Variants in C8orf34 observed in about 807,000 individuals in gnomAD.
The protein encoded by C8orf34 is uncharacterized protein C8orf34.
A neutral mutation model predicts 68.3 loss-of-function variants in C8orf34; 65 were observed. The observed-to-expected ratio is 0.95, with a 90% confidence interval of 0.78 to 1.17. The LOEUF is 1.17. C8orf34 is among the 50% of genes most tolerant of loss of function. The probability of loss-of-function intolerance (pLI) is 0.00; values close to 1 mark genes in which losing one functional copy is unlikely to be tolerated. For missense variants in C8orf34, 664 were observed against 655.4 expected (o/e 1.01, Z -0.14); for synonymous variants, 244 against 241.2 (o/e 1.01, Z -0.11).
At position 68,662,635 on chromosome 8, in the gene C8orf34, G is replaced by A. The variant is rs539161390; in HGVS notation, c.1241+22124G>A. ...GCAGCCTCTCCAGCTATGTGGAACC[G>A]TGAGTAAATTTAACCTCTTTTCTTT... On this transcript the variant is annotated intron_variant, in intron 8 of 13. Transcript: ENST00000518698. Among the ~76,000 whole-genome samples the A allele has an allele frequency of 1.4e-4, 22 of 152,282 alleles. No individual in the cohort carries two copies. In the South Asian group the frequency reaches 3.9e-3, roughly 27 times the overall value.
chr8:68,515,696 GCAGATGGTTC>G (rs1814481699), intron 5 of C8orf34, among the ~76,000 whole-genome samples: 1 of 152,166 alleles, frequency 6.6e-6, no homozygotes, highest in South Asian at 2.1e-4. Flanking sequence ...CTAGTAAGAT[GCAGATGGTTC>G]CAGGTTTTTC....
intron 1 of C8orf34, among the ~76,000 whole-genome samples, chr8:68,378,971 TTGAAA>T (rs149213661): frequency 0.036 from 5,540 of 152,244 alleles, 183 homozygotes; most frequent in African/African-American, 0.091. Context: ...AGGAATATCT[TTGAAA>T]TGAAAAGGGA....
intron 7 of C8orf34, among the ~76,000 whole-genome samples, chr8:68,589,193 A>G (rs1817294144): frequency 6.6e-6 from 1 of 152,204 alleles, no homozygotes; most frequent in Non-Finnish European, 1.5e-5. Context: ...TCAAGGATGA[A>G]GTAACAACAG....
chr8:68,442,601 TCAATATAGTGAAAATATGAG>T lies in C8orf34; in HGVS notation c.475+2964_475+2983del, dbSNP rs1195458025. Among the ~76,000 whole-genome samples, 158 of 152,126 alleles carry T rather than the reference TCAATATAGTGAAAATATGAG, an allele frequency of 1.0e-3. 1 individual carries two copies. The highest frequency in any genetic ancestry group is 3.7e-3 in the African/African-American group (155 of 41,504). ...AAAGCCAATCAAAACTTTCAGGAGATCAATATAGTGAAAATATGAGCAATATAGAAGGATACAAGCTGTGC... is the reference window on the plus strand; with the variant it reads ...AAAGCCAATCAAAACTTTCAGGAGATCAATATAGAAGGATACAAGCTGTGC... On this transcript the variant is annotated intron_variant, in intron 2 of 13. Coordinates refer to ENST00000518698, the MANE Select transcript of C8orf34 (RefSeq NM_052958.4).
rs1331388164 is a variant in C8orf34, at chr8:68,439,614, C to A, written c.443C>A (p.Ser148Tyr). Residue 148 changes from serine to tyrosine, a missense_variant, in exon 2 of 14, where the codon TCT becomes TAT. By Grantham distance (144) the Ser-to-Tyr change is moderately radical. Transcript: ENST00000518698. ...RGQLQRTLSG[S>Y]AALWAESEKS... ...CAACTTCAAAGAACTTTGTCTGGAT[C>A]TGCAGCTCTATGGGCAGAAAGTGAA... is the stretch of plus-strand genomic sequence containing the variant. 1.2e-6 allele frequency: 2 copies of A among 1,613,436 alleles called. No individual in the cohort carries two copies. The highest frequency in any genetic ancestry group is 1.1e-5 in the South Asian group (1 of 90,968).
At chr8:68,678,468 T>A (rs1028855844) in intron 8 of C8orf34, among the ~76,000 whole-genome samples, 1 of 152,306 alleles carries the variant, frequency 6.6e-6, no homozygotes, top group South Asian at 2.1e-4. Context: ...CATATCAAGA[T>A]AATGAAAGTC....
chr8:68,606,034 AAAAC>A (rs1817843982), intron 7 of C8orf34, among the ~76,000 whole-genome samples: 1 of 152,094 alleles, frequency 6.6e-6, no homozygotes, highest in Non-Finnish European at 1.5e-5. Context: ...ACTGCTCTAA[AAAAC>A]AAATTCTATG....
chr8:68,662,919 G>A (rs1478637992), intron 8 of C8orf34, among the ~76,000 whole-genome samples: 1 of 152,166 alleles, frequency 6.6e-6, no homozygotes, highest in Admixed American at 6.5e-5. Flanking sequence ...ACCCAAATAT[G>A]CCTCTTTGGC....
intron 3 of C8orf34, among the ~76,000 whole-genome samples, chr8:68,452,138 C>T (rs1451785189): frequency 1.3e-5 from 2 of 151,654 alleles, no homozygotes; most frequent in African/African-American, 4.8e-5. Context: ...ATTTTGTTTG[C>T]TTCTATCTTT....
At chr8:68,634,103 A>G (rs188779648) in intron 7 of C8orf34, among the ~76,000 whole-genome samples, 2 of 152,316 alleles carry the variant, frequency 1.3e-5, no homozygotes, top group Admixed American at 1.3e-4. Context: ...AATCTAATAA[A>G]TAATATGGGA....
At chr8:68,712,525 T>G (rs13279431) in intron 9 of C8orf34, among the ~76,000 whole-genome samples, 3,253 of 152,132 alleles carry the variant, frequency 0.021, 60 homozygotes, top group South Asian at 0.039. Context: ...ACACCAAAAG[T>G]GAGCAGGAGT....
chr8:68,561,028 G>A (rs181539775), intron 7 of C8orf34, among the ~76,000 whole-genome samples: 1 of 145,560 alleles, frequency 6.9e-6, no homozygotes, highest in Admixed American at 6.9e-5. Context: ...CAGGCTGGGT[G>A]CAGTGGTGTG....
chr8:68,566,566 AC>A (rs2130223432), intron 7 of C8orf34, among the ~76,000 whole-genome samples: 1 of 151,990 alleles, frequency 6.6e-6, no homozygotes, highest in East Asian at 1.9e-4. Flanking sequence ...TCATGAACCA[AC>A]CCCCGCTAGC....
chr8:68,713,032 T>G (rs963961486), intron 9 of C8orf34, among the ~76,000 whole-genome samples: 1 of 152,070 alleles, frequency 6.6e-6, no homozygotes, highest in Admixed American at 6.6e-5. Context: ...CACAAAACCA[T>G]GCAAATACAT....
intron 1 of C8orf34, among the ~76,000 whole-genome samples, chr8:68,413,361 C>G (rs1289498883): frequency 6.6e-6 from 1 of 152,234 alleles, no homozygotes; most frequent in Non-Finnish European, 1.5e-5. Context: ...ATTTTGTTCA[C>G]TGACTATCTG....
Position 68,775,195 on chromosome 8 carries a change from G to A in C8orf34, c.1405-1204G>A, listed in dbSNP as rs760279315. Among the ~76,000 whole-genome samples, 38 of 152,008 alleles carry A rather than the reference G, an allele frequency of 2.5e-4. No homozygotes were observed. In the Middle Eastern group the frequency reaches 0.01, roughly 41 times the overall value. On this transcript the variant is annotated intron_variant, in intron 10 of 13. Coordinates refer to ENST00000518698, the MANE Select transcript of C8orf34 (RefSeq NM_052958.4). ...CTCAGTTTCCCCAAGTATTAAATTG[G>A]CGTGAGGTTGTCTTGCCCTCAATGA...
intron 5 of C8orf34, among the ~76,000 whole-genome samples, chr8:68,512,875 T>A (rs1177038740): frequency 6.6e-6 from 1 of 152,068 alleles, no homozygotes; most frequent in East Asian, 1.9e-4. Context: ...TTACATGTTA[T>A]AATTGTAACT....
intron 1 of C8orf34, among the ~76,000 whole-genome samples, chr8:68,349,512 C>T (rs1381211529): frequency 6.6e-6 from 1 of 150,984 alleles, no homozygotes; most frequent in African/African-American, 2.4e-5. Context: ...GGAGGACTCT[C>T]TCCTCCTCAA....
intron 7 of C8orf34, among the ~76,000 whole-genome samples, chr8:68,561,732 T>C (rs1816434667): frequency 2.0e-5 from 3 of 152,260 alleles, no homozygotes; most frequent in South Asian, 4.2e-4. Context: ...CATTCCAGCC[T>C]GGACGACAGG....
Sources: gnomAD v4.1 joint callset for allele counts (sites outside exome capture counted in the v4.1 genomes callset) on GRCh38, gnomAD v4.1.1 for gene constraint, MANE v1.5 for transcripts, NCBI Gene and HGNC (gene_info 2026-07-23, HGNC 2026-07-21) for gene names.